INTS1: variants seen among roughly 807,000 people sequenced by gnomAD.
The protein encoded by INTS1 is integrator complex subunit 1.
INTS1 carries 137 observed loss-of-function variants against 241.6 expected under a neutral mutation model. The observed-to-expected ratio is 0.57, with a 90% CI of 0.49 to 0.65. The LOEUF (loss-of-function observed/expected upper bound fraction) is 0.65, where lower values mean the gene tolerates loss of function less well. INTS1 is among the 30% of genes least tolerant of loss of function. The probability of loss-of-function intolerance (pLI) is 0.00; values close to 1 mark genes in which losing one functional copy is unlikely to be tolerated. For missense variants in INTS1, 3,073 were observed against 3,032.2 expected, an observed-to-expected ratio of 1.01 and a Z score of -0.32; for synonymous variants, 1,692 against 1,337.8, an observed-to-expected ratio of 1.26 and a Z score of -5.78.
intron 16 of INTS1, 125 bp downstream of exon 16, chr7:1,492,885 T>A: frequency 4.6e-6 from 2 of 438,806 alleles, no homozygotes; most frequent in Non-Finnish European, 7.8e-6. Flanking sequence ...CGGGCGGGAG[T>A]GGGGAGCGGG....
At position 1,486,634 on chromosome 7, in the gene INTS1, C is replaced by T. The variant is rs1051906375; in HGVS notation, c.2967G>A (p.Leu989=). 6 of 1,611,488 alleles carry T rather than the reference C, an allele frequency of 3.7e-6. No individual in the cohort carries two copies. Among genetic ancestry groups the T allele is most frequent in the South Asian group, 1.1e-5 (1 of 90,764 alleles). ...CCGCCCACCACCTCACCTTCATGGC[C>T]AGCACGCGGGAGGCCACCTGGGAGG... The part of the protein sequence containing the change: ...LGSSQVASRV[L]AMKGLSLVLS... Residue 989 remains leucine, a synonymous_variant, in exon 22 of 48, where the codon CTG becomes CTA. Transcript: ENST00000404767.
At chr7:1,500,612 G>C (rs1760809133) in intron 3 of INTS1, among the ~76,000 whole-genome samples, 1 of 152,220 alleles carries the variant, frequency 6.6e-6, no homozygotes, top group South Asian at 2.1e-4. Flanking sequence ...GCTCCGCTGT[G>C]TCCCACACGA....
chr7:1,498,902 G>GGCC (rs1782998330), intron 8 of INTS1, 50 bp from the exon 9 acceptor site: 1 of 1,552,520 alleles, frequency 6.4e-7, no homozygotes, highest in East Asian at 2.4e-5. Flanking sequence ...CCGGCAGGAA[G>GGCC]ACCACGCTGT....
At chr7:1,498,946 CCGCCCA>C in intron 8 of INTS1, 23 bp downstream of exon 8, 1 of 1,194,110 alleles carries the variant, frequency 8.4e-7, no homozygotes, top group Non-Finnish European at 1.2e-6. Context: ...ACCCCCTGCC[CCGCCCA>C]CCCCCCCGGG....
At chr7:1,491,473 G>A (rs1782543945) in intron 16 of INTS1, among the ~76,000 whole-genome samples, 1 of 152,224 alleles carries the variant, frequency 6.6e-6, no homozygotes, top group African/African-American at 2.4e-5. Flanking sequence ...TAAGAGCTGG[G>A]ACTATAAAAC....
At chr7:1,486,453 C>T (rs764698258) in intron 22 of INTS1, among the ~76,000 whole-genome samples, 172 bp downstream of exon 22, 17 of 150,548 alleles carry the variant, frequency 1.1e-4, no homozygotes, top group East Asian at 6.0e-4. Flanking sequence ...TTAATAGAGA[C>T]GGGATTTCAC....
In INTS1 at chr7:1,496,753, A is replaced by G. The variant is rs553105536; in HGVS notation, c.1602+385T>C. On this transcript the variant is annotated intron_variant, in intron 11 of 47. Coordinates refer to ENST00000404767, the MANE Select transcript of INTS1 (RefSeq NM_001080453.3). ...TGCGAGTTGGCTGCAGGGACCTGGC[A>G]TCTCTGTGATCCACCCTCACTGTGC... 2.7e-3 allele frequency among the ~76,000 whole-genome samples: 406 copies of G among 152,240 alleles called. 4 individuals carry two copies. Among genetic ancestry groups the G allele is most frequent in the African/African-American group, 9.3e-3 (385 of 41,544 alleles).
chr7:1,497,192 G>A lies in INTS1; in HGVS notation c.1548C>T (p.Cys516=), dbSNP rs201051102. The A allele has an allele frequency of 5.0e-6, 8 of 1,612,024 alleles. No individual in the cohort carries two copies. The Admixed American group carries it at 1.3e-4, about 27-fold the overall frequency. Residue 516 remains cysteine, a synonymous_variant, in exon 11 of 48, where the codon TGC becomes TGT. Transcript: ENST00000404767. This position sits in a 1 kb window ranked among gnomAD's most constrained non-coding sequence, Gnocchi z 5.3. ...TKHEINFQAF[C]LGLMQERKEP... Reference sequence around the variant, plus strand: ...CCTTGCGCTCCTGCATGAGCCCCAGGCAGAAGGCCTGGAAGTTGATCTCGT... The same window carrying A: ...CCTTGCGCTCCTGCATGAGCCCCAGACAGAAGGCCTGGAAGTTGATCTCGT...
chr7:1,495,383 C>A (rs1463292886), intron 13 of INTS1, 50 bp downstream of exon 13: 4 of 1,572,556 alleles, frequency 2.5e-6, no homozygotes, highest in Non-Finnish European at 3.4e-6. Context: ...CCCGGCTTGT[C>A]CCGGCTCAGT....
intron 32 of INTS1, 30 bp from the exon 33 acceptor site, chr7:1,478,536 G>C (rs766526736): frequency 1.2e-6 from 2 of 1,601,742 alleles, no homozygotes; most frequent in Non-Finnish European, 1.7e-6. Flanking sequence ...GTGCCCTGTG[G>C]CTCCAGCCCT....
rs368101150 is a variant in INTS1, at chr7:1,496,278, A to G, written c.1603-14T>C. On this transcript the variant is annotated splice_polypyrimidine_tract_variant and intron_variant, in intron 11 of 47. Coordinates refer to ENST00000404767, the MANE Select transcript of INTS1 (RefSeq NM_001080453.3). ...CACGAAGCGCTCCTGCAGGTGCAGC[A>G]CGGGGTCTGTATCCAGAAGGGACAC... 14 of 1,611,810 alleles carry G rather than the reference A, an allele frequency of 8.7e-6. No homozygotes were observed. In the East Asian group the frequency reaches 1.6e-4, roughly 18 times the overall value.
chr7:1,478,068 AGAGAGGAGAGTGCAGCCGGGGCCG>A (rs1258541438), intron 33 of INTS1, 132 bp from the exon 34 acceptor site: 13 of 793,438 alleles, frequency 1.6e-5, no homozygotes, highest in Non-Finnish European at 1.9e-5. Flanking sequence ...AGCCGGAGCC[AGAGAGGAGAGTGCAGCCGGGGCCG>A]GAGAGGAGAG....
At position 1,499,235 on chromosome 7, in the gene INTS1, C is replaced by A; in HGVS notation, c.950+20G>T. On this transcript the variant is annotated intron_variant, in intron 7 of 47. Coordinates refer to ENST00000404767, the MANE Select transcript of INTS1 (RefSeq NM_001080453.3). ...CCGCCCCCGCCGCCCCCAACTGGGA[C>A]CGGGCAGGCACGCAGCTACCTGGGC... 1.9e-6 allele frequency: 3 copies of A among 1,608,206 alleles called. No individual in the cohort carries two copies. Among genetic ancestry groups the A allele is most frequent in the Non-Finnish European group, 2.5e-6 (3 of 1,178,598 alleles).
Position 1,471,103 on chromosome 7 carries a change from C to T in INTS1, c.6347+30G>A, listed in dbSNP as rs770330700. 1.1e-5 allele frequency: 17 copies of T among 1,545,102 alleles called. No individual in the cohort carries two copies. In the South Asian group the frequency reaches 1.4e-4, roughly 13 times the overall value. ...CTGGGTTAGCAGGGCCCAGCGGTGG[C>T]GGCGGGACAGAGGCCGGCGGTGGCC... On this transcript the variant is annotated intron_variant, in intron 46 of 47. Coordinates refer to ENST00000404767, the MANE Select transcript of INTS1 (RefSeq NM_001080453.3).
At chr7:1,476,516 CT>C (rs1781729625) in intron 37 of INTS1, 53 bp downstream of exon 37, 3 of 1,609,392 alleles carry the variant, frequency 1.9e-6, no homozygotes, top group Non-Finnish European at 2.5e-6. Context: ...GGGCCACCCC[CT>C]CTCCCGGATG....
At chr7:1,473,804 G>A in intron 41 of INTS1, 111 bp from the exon 42 acceptor site, 1 of 1,350,690 alleles carries the variant, frequency 7.4e-7, no homozygotes, top group Admixed American at 2.0e-5. Flanking sequence ...CAGCCAACGA[G>A]CCCCCTCTGC....
At chr7:1,478,212 G>A (rs1011389277) in intron 33 of INTS1, among the ~76,000 whole-genome samples, 154 bp downstream of exon 33, 2 of 151,984 alleles carry the variant, frequency 1.3e-5, no homozygotes, top group African/African-American at 2.4e-5. Flanking sequence ...AAGAGGCCCC[G>A]CCCTGAGCCA....
chr7:1,502,239 G>A (rs1025961539), intron 3 of INTS1, among the ~76,000 whole-genome samples: 2 of 152,262 alleles, frequency 1.3e-5, no homozygotes, highest in South Asian at 4.2e-4. Context: ...AAACACTGCA[G>A]ACCATGAGGC....
intron 47 of INTS1, 68 bp from the exon 48 acceptor site, chr7:1,470,760 G>C (rs575852921): frequency 3.4e-6 from 5 of 1,473,580 alleles, no homozygotes; most frequent in Non-Finnish European, 3.7e-6. Flanking sequence ...ACCAGACCTC[G>C]GGACTCCCAA....
Sources: allele counts gnomAD v4.1 joint callset (sites outside exome capture counted in the v4.1 genomes callset), GRCh38; gene constraint gnomAD v4.1.1; non-coding constraint Gnocchi (gnomAD v3.1); transcripts MANE v1.5; gene names NCBI Gene and HGNC (gene_info 2026-07-23, HGNC 2026-07-21).